Variants in AFG1L observed in about 807,000 individuals in gnomAD.
The protein encoded by AFG1L is AFG1 like ATPase.
AFG1L carries 53 observed loss-of-function variants against 62.2 expected under a neutral mutation model. The observed-to-expected ratio is 0.85, with a 90% CI of 0.68 to 1.07. The LOEUF is 1.07. AFG1L is among the 50% of genes least tolerant of loss of function. The pLI, the probability that AFG1L is intolerant of heterozygous loss-of-function variation, is 0.00. For missense variants in AFG1L, 555 were observed against 590.5 expected, an observed-to-expected ratio of 0.94 and a Z score of 0.62; for synonymous variants, 228 against 210.3, an observed-to-expected ratio of 1.08 and a Z score of -0.73.
chr6:108,343,297 T>G (rs1778748751), intron 2 of AFG1L, among the ~76,000 whole-genome samples: 1 of 152,026 alleles, frequency 6.6e-6, no homozygotes, highest in Admixed American at 6.6e-5. Context: ...ATCTGCCCAC[T>G]GGGGCCTCCC....
intron 10 of AFG1L, among the ~76,000 whole-genome samples, chr6:108,497,937 G>A (rs1721523430): frequency 2.0e-5 from 3 of 152,118 alleles, no homozygotes; most frequent in African/African-American, 7.2e-5. Flanking sequence ...TTACCCTCTA[G>A]TCTACAGGCT....
chr6:108,469,756 T>C (rs1329188897), intron 8 of AFG1L, among the ~76,000 whole-genome samples: 6 of 152,082 alleles, frequency 3.9e-5, no homozygotes, highest in African/African-American at 1.2e-4. Context: ...CATAGGAGGA[T>C]TTTGAGTTAT....
At chr6:108,305,106 A>G (rs1777152652) in intron 1 of AFG1L, among the ~76,000 whole-genome samples, 1 of 152,276 alleles carries the variant, frequency 6.6e-6, no homozygotes, top group Non-Finnish European at 1.5e-5. Context: ...ATTAACAATG[A>G]CATGCCAGAG....
chr6:108,333,709 TG>T (rs1459476975), intron 2 of AFG1L, among the ~76,000 whole-genome samples: 1 of 152,034 alleles, frequency 6.6e-6, no homozygotes, highest in Non-Finnish European at 1.5e-5. Flanking sequence ...GCCACAAGAC[TG>T]GATAAACAAA....
chr6:108,452,680 G>C (rs973549572), intron 8 of AFG1L, among the ~76,000 whole-genome samples: 1 of 152,152 alleles, frequency 6.6e-6, no homozygotes, highest in Admixed American at 6.5e-5. Context: ...ACAGAGACCT[G>C]GGTCAGAGAC....
In AFG1L at chr6:108,400,176, C is replaced by G. The variant is rs533976854; in HGVS notation, c.749-1820C>G. On this transcript the variant is annotated intron_variant, in intron 6 of 12. Coordinates refer to ENST00000368977, the MANE Select transcript of AFG1L (RefSeq NM_145315.5). ...CCTTTTCCTTTCCAATTTGGAAGCC[C>G]TTTATTTCTTTCTCATGTGATTGCT... 1.6e-4 allele frequency among the ~76,000 whole-genome samples: 24 copies of G among 152,082 alleles called. No homozygotes were observed. In the East Asian group the frequency reaches 4.6e-3, roughly 29 times the overall value.
Position 108,481,995 on chromosome 6 carries a change from T to A in AFG1L, c.1062+4703T>A, listed in dbSNP as rs553373150. Among the ~76,000 whole-genome samples, 5 of 152,352 alleles carry A rather than the reference T, an allele frequency of 3.3e-5. No homozygotes were observed. In the East Asian group the frequency reaches 9.6e-4, roughly 29 times the overall value. Reference sequence around the variant, plus strand: ...ACAATATTTGTTGCCAGTGATAAAATTTGAGCAAACAAGTGAAAATTAGAA... The same window carrying A: ...ACAATATTTGTTGCCAGTGATAAAAATTGAGCAAACAAGTGAAAATTAGAA... On this transcript the variant is annotated intron_variant, in intron 10 of 12. Transcript: ENST00000368977.
chr6:108,403,316 A>T (rs906832701), intron 7 of AFG1L, among the ~76,000 whole-genome samples: 1 of 152,172 alleles, frequency 6.6e-6, no homozygotes, highest in African/African-American at 2.4e-5. Context: ...CTTACCCAAG[A>T]AGGGTTAAAA....
intron 1 of AFG1L, among the ~76,000 whole-genome samples, chr6:108,320,427 C>A (rs186827975): frequency 4.6e-5 from 7 of 152,274 alleles, no homozygotes; most frequent in African/African-American, 1.7e-4. Flanking sequence ...CTCCAGGCCC[C>A]TCAGGAAGAA....
intron 2 of AFG1L, among the ~76,000 whole-genome samples, chr6:108,332,793 G>C (rs1394571166): frequency 2.0e-5 from 3 of 151,984 alleles, no homozygotes; most frequent in Admixed American, 2.0e-4. Flanking sequence ...ATTTTGTAGA[G>C]ATGTGGTCTC....
chr6:108,489,464 T>C (rs898571351), intron 10 of AFG1L, among the ~76,000 whole-genome samples: 1 of 152,126 alleles, frequency 6.6e-6, no homozygotes, highest in Non-Finnish European at 1.5e-5. Context: ...AAAAAATCAA[T>C]ATACTTAAGA....
chr6:108,296,638 C>A (rs544150888), intron 1 of AFG1L, among the ~76,000 whole-genome samples: 1 of 152,106 alleles, frequency 6.6e-6, no homozygotes, highest in African/African-American at 2.4e-5. Context: ...TTGTTAATTT[C>A]TTTTTAAATT....
intron 2 of AFG1L, among the ~76,000 whole-genome samples, chr6:108,342,810 A>G (rs1012398849): frequency 1.3e-5 from 2 of 152,026 alleles, no homozygotes; most frequent in African/African-American, 2.4e-5. Flanking sequence ...TTGTTGATCA[A>G]TTTACTTATA....
chr6:108,474,779 C>G (rs2114809938), intron 8 of AFG1L, among the ~76,000 whole-genome samples: 1 of 152,274 alleles, frequency 6.6e-6, no homozygotes, highest in East Asian at 1.9e-4. Flanking sequence ...CTTGTAGATT[C>G]TGGATATTAA....
chr6:108,342,759 T>G (rs1259145463), intron 2 of AFG1L, among the ~76,000 whole-genome samples: 3 of 152,144 alleles, frequency 2.0e-5, no homozygotes, highest in African/African-American at 7.2e-5. Flanking sequence ...TTAGATAGAC[T>G]ATGTCTGTGT....
At chr6:108,453,722 T>C (rs1772146251) in intron 8 of AFG1L, among the ~76,000 whole-genome samples, 1 of 152,194 alleles carries the variant, frequency 6.6e-6, no homozygotes, top group Non-Finnish European at 1.5e-5. Context: ...ACCTAAACTT[T>C]GGCTGAGACC....
intron 6 of AFG1L, among the ~76,000 whole-genome samples, chr6:108,375,081 G>A (rs1780187466): frequency 1.3e-5 from 2 of 151,896 alleles, no homozygotes; most frequent in Admixed American, 1.3e-4. Context: ...TTTTTTGTGT[G>A]TATGGCTATT....
chr6:108,481,607 T>A (rs1182945898), intron 10 of AFG1L, among the ~76,000 whole-genome samples: 1 of 152,142 alleles, frequency 6.6e-6, no homozygotes, highest in Non-Finnish European at 1.5e-5. Context: ...AATAAATAAA[T>A]AAATAAATAA....
chr6:108,369,863 G>GTGTTA (rs1779919163), intron 6 of AFG1L, among the ~76,000 whole-genome samples: 1 of 152,088 alleles, frequency 6.6e-6, no homozygotes. Flanking sequence ...ACCTGCCTCG[G>GTGTTA]CCTCCCAAAG....
Sources: gnomAD v4.1 joint callset for allele counts (sites outside exome capture counted in the v4.1 genomes callset) on GRCh38, gnomAD v4.1.1 for gene constraint, MANE v1.5 for transcripts, NCBI Gene and HGNC (gene_info 2026-07-23, HGNC 2026-07-21) for gene names.